P2RY8: variants seen among roughly 807,000 people sequenced by gnomAD.
P2RY8 encodes the protein S-geranylgeranyl-glutathione receptor P2RY8.
In P2RY8, 6 loss-of-function variants were observed where a neutral mutation model predicts 10.0. The observed-to-expected ratio is 0.60, with a 90% CI of 0.33 to 1.19. The LOEUF (loss-of-function observed/expected upper bound fraction) is 1.19. Ranked by LOEUF, P2RY8 falls within the 50% of genes most tolerant of loss-of-function variation. The pLI is 0.04. For missense variants in P2RY8, 456 were observed against 542.0 expected (o/e 0.84, Z 1.58); for synonymous variants, 276 against 252.5 (o/e 1.09, Z -0.88).
At chrX:1,482,467 A>T (rs1482080030) in intron 1 of P2RY8, among the ~76,000 whole-genome samples, 1 of 151,934 alleles carries the variant, frequency 6.6e-6, no homozygotes, top group South Asian at 2.1e-4. Flanking sequence ...GATGAGAGAG[A>T]GGTGACAGGA....
At chrX:1,531,074 C>CTATT (rs2149416207) in intron 1 of P2RY8, among the ~76,000 whole-genome samples, 1 of 149,858 alleles carries the variant, frequency 6.7e-6, no homozygotes, top group African/African-American at 2.5e-5. Flanking sequence ...GTCTGTCTAT[C>CTATT]TATCTATCTA....
At chrX:1,476,009 A>G (rs2091868674) in intron 1 of P2RY8, among the ~76,000 whole-genome samples, 1 of 152,200 alleles carries the variant, frequency 6.6e-6, no homozygotes, top group South Asian at 2.1e-4. Context: ...ATCTCCCTGC[A>G]GGGGCCAAGA....
chrX:1,527,998 C>A (rs756943970), intron 1 of P2RY8, among the ~76,000 whole-genome samples: 9 of 152,324 alleles, frequency 5.9e-5, no homozygotes, highest in African/African-American at 1.7e-4. Context: ...TTCTATTCCA[C>A]GTGTGGCCAC....
chrX:1,465,519 G>C lies in P2RY8; in HGVS notation c.1040C>G (p.Ala347Gly), dbSNP rs1401889585. The C allele has an allele frequency of 1.2e-6, 2 of 1,610,702 alleles. No individual in the cohort carries two copies. The highest frequency in any genetic ancestry group is 2.2e-5 in the South Asian group (2 of 90,954). ...CTGCCTCTGGAGGCCGGGCCTGGTG[G>C]CTCCCTCCATCCCTTCAGGGTGCGC... The part of the protein sequence containing the change: ...AGAHPEGMEG[A>G]TRPGLQRQES... The change falls in exon 2 of 2, where the codon GCC (alanine) becomes GGC (glycine). Residue 347 changes from alanine (A) to glycine (G), a missense_variant. By Grantham distance (60) the Ala-to-Gly change is moderately conservative. Transcript: ENST00000381297.
rs1162674087 is a variant in P2RY8, at chrX:1,537,180, C to G, written c.-284G>C. On this transcript the variant is annotated 5_prime_UTR_variant, in exon 1 of 2. Coordinates refer to ENST00000381297, the MANE Select transcript of P2RY8 (RefSeq NM_178129.5). Reference sequence around the variant, plus strand: ...GGCCCACCGGCTGGCACGACTGTCTCCGAATGCAAATTCTGCAAACTCCAC... The same window carrying G: ...GGCCCACCGGCTGGCACGACTGTCTGCGAATGCAAATTCTGCAAACTCCAC... 4.3e-6 allele frequency: 1 copy of G among 232,706 alleles called. No homozygotes were observed. Among genetic ancestry groups the G allele is most frequent in the Admixed American group, 5.6e-5 (1 of 17,750 alleles). 14.4% of individuals were successfully genotyped at this position (232,706 alleles called of 1,614,324 possible). A position where few individuals can be genotyped will look rare whatever the true frequency, so the allele number is the denominator to read the frequency against.
At chrX:1,502,534 G>C (rs1216987873) in intron 1 of P2RY8, among the ~76,000 whole-genome samples, 1 of 152,122 alleles carries the variant, frequency 6.6e-6, no homozygotes, top group Non-Finnish European at 1.5e-5. Context: ...AGCCGCCCCT[G>C]TCCCTACTCT....
chrX:1,498,894 G>A (rs748641754), intron 1 of P2RY8, among the ~76,000 whole-genome samples: 13 of 151,416 alleles, frequency 8.6e-5, no homozygotes, highest in African/African-American at 3.2e-4. Flanking sequence ...GAGTGCAGTG[G>A]CACGATCTTG....
At chrX:1,520,864 G>A (rs1463124327) in intron 1 of P2RY8, among the ~76,000 whole-genome samples, 4 of 149,654 alleles carry the variant, frequency 2.7e-5, no homozygotes, top group Non-Finnish European at 5.9e-5. Flanking sequence ...ACCCCCAAAT[G>A]TCCCTGGTTC....
intron 1 of P2RY8, among the ~76,000 whole-genome samples, chrX:1,482,484 G>A (rs1436254580): frequency 1.3e-5 from 2 of 152,056 alleles, no homozygotes; most frequent in African/African-American, 4.8e-5. Flanking sequence ...AGGAAGGTTC[G>A]CAGGCTTGAC....
chrX:1,523,916 C>G (rs1430738288), intron 1 of P2RY8, among the ~76,000 whole-genome samples: 1 of 152,174 alleles, frequency 6.6e-6, no homozygotes, highest in Non-Finnish European at 1.5e-5. Context: ...GTCTGGAACT[C>G]CTGACCTCAA....
At chrX:1,491,173 T>C (rs758868617) in intron 1 of P2RY8, among the ~76,000 whole-genome samples, 6 of 148,820 alleles carry the variant, frequency 4.0e-5, no homozygotes, top group African/African-American at 1.5e-4. Context: ...GATTCACTTC[T>C]GCAAATGTAG....
At chrX:1,493,709 C>T (rs1381210411) in intron 1 of P2RY8, among the ~76,000 whole-genome samples, 2 of 152,152 alleles carry the variant, frequency 1.3e-5, no homozygotes, top group South Asian at 2.1e-4. Context: ...AGCATCTCGG[C>T]GTGGGCCGGC....
chrX:1,521,325 C>T (rs1391040371), intron 1 of P2RY8, among the ~76,000 whole-genome samples: 1 of 152,148 alleles, frequency 6.6e-6, no homozygotes, highest in Non-Finnish European at 1.5e-5. Context: ...GGATTACAGG[C>T]ATGAGCCACC....
chrX:1,527,280 T>A (rs1354097139), intron 1 of P2RY8, among the ~76,000 whole-genome samples: 1 of 152,152 alleles, frequency 6.6e-6, no homozygotes, highest in Non-Finnish European at 1.5e-5. Context: ...CATTCATTCA[T>A]TCATCCACTT....
At chrX:1,502,882 C>T (rs1411767928) in intron 1 of P2RY8, among the ~76,000 whole-genome samples, 1 of 149,086 alleles carries the variant, frequency 6.7e-6, no homozygotes, top group African/African-American at 2.5e-5. Flanking sequence ...CTGGGAGAGA[C>T]AGGAAGGAGC....
Position 1,524,658 on chromosome X carries a change from C to CATCT in P2RY8, c.-25+12262_-25+12263insAGAT, listed in dbSNP as rs1205046845. Among the ~76,000 whole-genome samples, 51 of 94,676 alleles carry CATCT rather than the reference C, an allele frequency of 5.4e-4. 3 individuals are homozygous for CATCT. Among genetic ancestry groups the CATCT allele is most frequent in the Non-Finnish European group, 9.0e-4 (38 of 42,256 alleles). 62.1% of individuals were successfully genotyped at this position (94,676 alleles called of 152,430 possible). Reference sequence around the variant, plus strand: ...CCATCCATCCATACATCCATCCATCCATCCATCCATTCATCCATCCATCCA... The same window carrying CATCT: ...CCATCCATCCATACATCCATCCATCCATCTATCCATCCATTCATCCATCCATCCA... On this transcript the variant is annotated intron_variant, in intron 1 of 1. Coordinates refer to ENST00000381297, the MANE Select transcript of P2RY8 (RefSeq NM_178129.5).
intron 1 of P2RY8, among the ~76,000 whole-genome samples, chrX:1,512,506 C>T (rs1237570690): frequency 7.6e-6 from 1 of 131,332 alleles, no homozygotes; most frequent in African/African-American, 2.8e-5. Context: ...GAGATCATGC[C>T]ATTGCACTCC....
intron 1 of P2RY8, among the ~76,000 whole-genome samples, chrX:1,521,342 G>A (rs1252343932): frequency 1.3e-5 from 2 of 151,840 alleles, no homozygotes; most frequent in Non-Finnish European, 2.9e-5. Context: ...CACCGCGCCC[G>A]GCCTTTATCC....
At chrX:1,500,037 T>G (rs1412302267) in intron 1 of P2RY8, among the ~76,000 whole-genome samples, 2 of 122,160 alleles carry the variant, frequency 1.6e-5, no homozygotes, top group Non-Finnish European at 3.7e-5. Context: ...TTTTTGTATT[T>G]TTAGTAGAGA....
Sources: allele counts gnomAD v4.1 joint callset (sites outside exome capture counted in the v4.1 genomes callset), GRCh38; gene constraint gnomAD v4.1.1; transcripts MANE v1.5; gene names NCBI Gene and HGNC (gene_info 2026-07-23, HGNC 2026-07-21).